The following MSH4 variants were observed in gnomAD, a reference collection of about 807,000 sequenced individuals.
The protein encoded by MSH4 is mutS homolog 4.
MSH4 carries 106 observed loss-of-function variants against 113.7 expected under a neutral mutation model. The ratio of observed to expected loss-of-function variants is 0.93; its 90% CI spans 0.80 to 1.10. MSH4 has a LOEUF of 1.10. Among genes scored for constraint, MSH4 ranks in the 50% least tolerant of loss-of-function variants. The pLI, the probability that MSH4 is intolerant of heterozygous loss-of-function variation, is 0.00. For missense variants in MSH4, 1,061 were observed against 1,093.7 expected (o/e 0.97, Z 0.42); for synonymous variants, 368 against 380.2 (o/e 0.97, Z 0.37).
At chr1:75,898,190 CTTTT>C (rs1456845327) in intron 18 of MSH4, 109 bp downstream of exon 18, 24 of 625,866 alleles carry the variant, frequency 3.8e-5, no homozygotes, top group Admixed American at 9.5e-5. Context: ...TTTTCTCATT[CTTTT>C]GAGTGCTTAT....
chr1:75,831,635 T>G (rs1351773456), intron 7 of MSH4, among the ~76,000 whole-genome samples: 1 of 152,096 alleles, frequency 6.6e-6, no homozygotes, highest in Non-Finnish European at 1.5e-5. Flanking sequence ...AGAAACACAC[T>G]CAAAACCGTT....
In MSH4 at chr1:75,810,708, A is replaced by G; in HGVS notation, c.600A>G (p.Lys200=). 6.5e-7 allele frequency: 1 copy of G among 1,531,746 alleles called. No homozygotes were observed. The highest frequency in any genetic ancestry group is 8.8e-7 in the Non-Finnish European group (1 of 1,132,954). 94.9% of individuals were successfully genotyped at this position (1,531,746 alleles called of 1,614,324 possible). The change falls in exon 4 of 20, where the codon AAA becomes AAG. Residue 200 remains lysine, a synonymous_variant. Coordinates refer to ENST00000263187, the MANE Select transcript of MSH4 (RefSeq NM_002440.4). ...DNTTYAKVIT[K]LKILSPLEII... is the part of the protein sequence containing the mutation. The stretch of plus-strand genomic sequence containing the variant: ...TCAAATGATTTCAGGTGATCACTAA[A>G]CTTAAAATTTTATCACCTTTGGAAA...
chr1:75,830,258 G>A (rs570065064), intron 7 of MSH4, among the ~76,000 whole-genome samples: 11 of 151,978 alleles, frequency 7.2e-5, no homozygotes, highest in Non-Finnish European at 1.2e-4. Context: ...AAAAAAAACC[G>A]AACAAAGCCT....
intron 7 of MSH4, among the ~76,000 whole-genome samples, chr1:75,842,108 C>T (rs1296967285): frequency 6.6e-6 from 1 of 152,142 alleles, no homozygotes; most frequent in East Asian, 1.9e-4. Flanking sequence ...TGGTTTGGTT[C>T]AGAAAGGCAG....
intron 2 of MSH4, 149 bp from the exon 3 acceptor site, chr1:75,806,832 A>G: frequency 1.5e-6 from 1 of 661,296 alleles, no homozygotes; most frequent in South Asian, 2.8e-5. Flanking sequence ...GAACCAATAG[A>G]TCCTTTAGGG....
At position 75,911,888 on chromosome 1, in the gene MSH4, T is replaced by C. The variant is rs527457356; in HGVS notation, c.2620-808T>C. On this transcript the variant is annotated intron_variant, in intron 19 of 19. Coordinates refer to ENST00000263187, the MANE Select transcript of MSH4 (RefSeq NM_002440.4). ...ATTTCAGGGAAACTCACTAAGACTT[T>C]CCATAAAAAGTTAAGATTAAAAATG... Among the ~76,000 whole-genome samples, 3 of 152,148 alleles carry C rather than the reference T, an allele frequency of 2.0e-5. No homozygotes were observed. The East Asian group carries it at 5.8e-4, about 29-fold the overall frequency.
At chr1:75,887,375 G>A (rs930391758) in intron 15 of MSH4, among the ~76,000 whole-genome samples, 1 of 152,006 alleles carries the variant, frequency 6.6e-6, no homozygotes, top group Non-Finnish European at 1.5e-5. Flanking sequence ...ATGCAGAATT[G>A]TGAGTTAATT....
chr1:75,798,533 T>C (rs996798326), intron 1 of MSH4, among the ~76,000 whole-genome samples: 4 of 151,096 alleles, frequency 2.6e-5, no homozygotes, highest in African/African-American at 9.8e-5. Flanking sequence ...AGGCTGACTA[T>C]ATGATTAATT....
Position 75,815,096 on chromosome 1 carries a change from A to G in MSH4, c.775A>G (p.Ile259Val). The change falls in exon 5 of 20, where the codon ATA becomes GTA. Residue 259 changes from isoleucine (I) to valine (V), a missense_variant. Ile to Val is a conservative substitution (Grantham distance 29). Coordinates refer to ENST00000263187, the MANE Select transcript of MSH4 (RefSeq NM_002440.4). Reference protein sequence around the residue: ...KGLEYIEQLCIAEFSTVLMEV... With the variant: ...KGLEYIEQLCVAEFSTVLMEV... ...ATTAGAGTACATTGAACAGTTATGC[A>G]TAGCAGAATTCAGCACTGTCCTAAT... 2 of 1,605,596 alleles carry G rather than the reference A, an allele frequency of 1.2e-6. No homozygotes were observed. The highest frequency in any genetic ancestry group is 1.1e-5 in the South Asian group (1 of 89,510).
At chr1:75,862,825 T>A (rs1374493191) in intron 8 of MSH4, among the ~76,000 whole-genome samples, 1 of 152,224 alleles carries the variant, frequency 6.6e-6, no homozygotes, top group African/African-American at 2.4e-5. Context: ...AGAAATTGTT[T>A]GCCTAAGATG....
intron 8 of MSH4, among the ~76,000 whole-genome samples, chr1:75,857,050 A>AT (rs1254657919): frequency 1.3e-5 from 2 of 152,130 alleles, no homozygotes; most frequent in South Asian, 2.1e-4. Context: ...GATGATAAGC[A>AT]TTTTTTCATA....
At chr1:75,843,621 C>G (rs1171454757) in intron 7 of MSH4, among the ~76,000 whole-genome samples, 2 of 151,992 alleles carry the variant, frequency 1.3e-5, no homozygotes, top group Non-Finnish European at 2.9e-5. Context: ...TCCCTAGACC[C>G]CTTAGGTAGG....
intron 1 of MSH4, 79 bp from the exon 2 acceptor site, chr1:75,803,652 A>G (rs891182723): frequency 9.7e-7 from 1 of 1,030,326 alleles, no homozygotes; most frequent in Non-Finnish European, 1.3e-6. Flanking sequence ...GAAAGTGAAC[A>G]TGGTATAAAT....
intron 6 of MSH4, among the ~76,000 whole-genome samples, chr1:75,819,261 C>T (rs778855415): frequency 6.6e-6 from 1 of 152,076 alleles, no homozygotes; most frequent in African/African-American, 2.4e-5. Context: ...GGCAGGCCAA[C>T]GTGGGTGGAT....
intron 7 of MSH4, among the ~76,000 whole-genome samples, chr1:75,836,905 C>T (rs1209540510): frequency 6.6e-6 from 1 of 152,132 alleles, no homozygotes; most frequent in Non-Finnish European, 1.5e-5. Flanking sequence ...GGTTTTATGA[C>T]TATTATTCAC....
rs536948573 is a variant in MSH4 at position 75,805,656 on chromosome 1, G to A, written c.428-1325G>A. ...CCCACCTTAGCCTCACAAAGTGCTA[G>A]GATTACAGTTATGAGCCACTGCGCC... is the stretch of plus-strand genomic sequence containing the variant. On this transcript the variant is annotated intron_variant, in intron 2 of 19. Transcript: ENST00000263187. Among the ~76,000 whole-genome samples the A allele has an allele frequency of 2.6e-4, 40 of 152,072 alleles. 1 individual carries two copies. The highest frequency in any genetic ancestry group is 9.4e-4 in the African/African-American group (39 of 41,460).
chr1:75,829,682 A>T (rs1002335703), intron 7 of MSH4, among the ~76,000 whole-genome samples: 1 of 152,194 alleles, frequency 6.6e-6, no homozygotes, highest in African/African-American at 2.4e-5. Flanking sequence ...CAGGGTCTGG[A>T]TAGGACCTCC....
intron 5 of MSH4, among the ~76,000 whole-genome samples, chr1:75,815,453 A>G (rs1489193324): frequency 6.6e-6 from 1 of 152,208 alleles, no homozygotes; most frequent in Non-Finnish European, 1.5e-5. Flanking sequence ...TTTACTTTGG[A>G]GTGAAAAGCT....
At chr1:75,871,309 T>C (rs1297048450) in intron 9 of MSH4, among the ~76,000 whole-genome samples, 1 of 152,180 alleles carries the variant, frequency 6.6e-6, no homozygotes, top group Non-Finnish European at 1.5e-5. Flanking sequence ...ATTATGGGAA[T>C]TCTAGGGATT....
Sources: gnomAD v4.1 joint callset for allele counts (sites outside exome capture counted in the v4.1 genomes callset) on GRCh38, gnomAD v4.1.1 for gene constraint, MANE v1.5 for transcripts, NCBI Gene and HGNC (gene_info 2026-07-23, HGNC 2026-07-21) for gene names.